The following GRTP1 variants were observed in gnomAD, a reference collection of about 807,000 sequenced individuals.
GRTP1 encodes the protein growth hormone-regulated TBC protein 1.
A neutral mutation model predicts 38.1 loss-of-function variants in GRTP1; 56 were observed. That is an observed-to-expected ratio of 1.47 (90% CI 1.19 to 1.84). The LOEUF (loss-of-function observed/expected upper bound fraction) is 1.84. Among genes scored for constraint, GRTP1 ranks in the 40% most tolerant of loss-of-function variants. The probability of loss-of-function intolerance (pLI) is 0.00; values close to 1 mark genes in which losing one functional copy is unlikely to be tolerated. For missense variants in GRTP1, 506 were observed against 453.9 expected (o/e 1.11, Z -1.04); for synonymous variants, 217 against 189.5 (o/e 1.14, Z -1.19).
intron 5 of GRTP1, among the ~76,000 whole-genome samples, chr13:113,332,892 CT>C (rs1238639449): frequency 6.6e-6 from 1 of 152,222 alleles, no homozygotes; most frequent in African/African-American, 2.4e-5. Flanking sequence ...CCAACCTGAG[CT>C]TCAAGAAGGA....
intron 2 of GRTP1, among the ~76,000 whole-genome samples, chr13:113,362,913 G>A (rs1438579667): frequency 6.6e-6 from 1 of 152,170 alleles, no homozygotes; most frequent in East Asian, 1.9e-4. Context: ...CCTCACCCCA[G>A]GCAGACACTT....
chr13:113,350,636 C>A (rs11618248), intron 4 of GRTP1, among the ~76,000 whole-genome samples: 46,891 of 151,942 alleles, frequency 0.31, 7,678 homozygotes, highest in East Asian at 0.6. Flanking sequence ...CGTGCTGATT[C>A]TCCTCCCGCC....
Position 113,357,520 on chromosome 13 carries a change from A to G in GRTP1, c.182-2039T>C, listed in dbSNP as rs370044239. 2.9e-3 allele frequency among the ~76,000 whole-genome samples: 432 copies of G among 151,534 alleles called. 3 individuals are homozygous for G. Among genetic ancestry groups the G allele is most frequent in the South Asian group, 0.015 (70 of 4,776 alleles). On this transcript the variant is annotated intron_variant, in intron 2 of 7. Coordinates refer to ENST00000375431, the MANE Select transcript of GRTP1 (RefSeq NM_024719.4). ...GAAACATATTTGAGGATCATGTCTCAGGTAAGAACATCTCAGCACACTTGG... is the reference window on the plus strand; with the variant it reads ...GAAACATATTTGAGGATCATGTCTCGGGTAAGAACATCTCAGCACACTTGG...
At chr13:113,354,820 C>T (rs547528951) in intron 3 of GRTP1, among the ~76,000 whole-genome samples, 3 of 152,348 alleles carry the variant, frequency 2.0e-5, no homozygotes, top group African/African-American at 7.2e-5. Flanking sequence ...AGCCACCGCG[C>T]CCGGCCTTAG....
At position 113,325,854 on chromosome 13, in the gene GRTP1, G is replaced by A. The variant is rs2042756478; in HGVS notation, c.736-8C>T. The A allele has an allele frequency of 1.9e-6, 3 of 1,613,816 alleles. No individual in the cohort carries two copies. Among genetic ancestry groups the A allele is most frequent in the Non-Finnish European group, 2.5e-6 (3 of 1,179,900 alleles). On this transcript the variant is annotated splice_polypyrimidine_tract_variant and splice_region_variant and intron_variant, in intron 6 of 7. Transcript: ENST00000375431. ...CCAGATCCGAAGCACTGTCTGCAGA[G>A]ACATGGGAACCCGGTGTCACTCCCT...
At chr13:113,324,656 A>G (rs995806006) in intron 7 of GRTP1, 79 bp from the exon 8 acceptor site, 3 of 1,519,362 alleles carry the variant, frequency 2.0e-6, no homozygotes, top group Non-Finnish European at 2.7e-6. Context: ...GCAGGCAGGC[A>G]GACAGGCCTC....
rs532932814 is a variant in GRTP1 at position 113,349,624 on chromosome 13, G to T, written c.465+1225C>A. ...GCCAGCCAGCTACAGAGCCACACAC[G>T]CACAGCACGTGGAACAGCTGGTGAG... On this transcript the variant is annotated intron_variant, in intron 4 of 7. Coordinates refer to ENST00000375431, the MANE Select transcript of GRTP1 (RefSeq NM_024719.4). The surrounding 1 kb of genome is among the most constrained non-coding windows in gnomAD (Gnocchi z 5.0). Among the ~76,000 whole-genome samples the T allele has an allele frequency of 2.3e-4, 35 of 152,320 alleles. No homozygotes were observed. The highest frequency in any genetic ancestry group is 7.9e-4 in the African/African-American group (33 of 41,568).
chr13:113,352,574 C>T (rs1184773614), intron 3 of GRTP1, among the ~76,000 whole-genome samples: 1 of 151,662 alleles, frequency 6.6e-6, no homozygotes, highest in East Asian at 1.9e-4. Context: ...CAGAGTTTTG[C>T]CATGGTGGCC....
At chr13:113,347,418 G>A (rs1284687720) in intron 4 of GRTP1, among the ~76,000 whole-genome samples, 12 of 48,074 alleles carry the variant, frequency 2.5e-4, no homozygotes, top group South Asian at 6.0e-4. Flanking sequence ...GGCTGACAGT[G>A]GACCCGGGAG....
At position 113,363,920 on chromosome 13, in the gene GRTP1, C is replaced by A; in HGVS notation, c.33-10G>T. 4 of 1,607,758 alleles carry A rather than the reference C, an allele frequency of 2.5e-6. No individual in the cohort carries two copies. The highest frequency in any genetic ancestry group is 3.4e-6 in the Non-Finnish European group (4 of 1,177,276). Reference sequence around the variant, plus strand: ...TCCGTACGGGTCGATCCTGCAAAACCGAGAGAAGGAGGCCGGCGTCCCCGA... The same window carrying A: ...TCCGTACGGGTCGATCCTGCAAAACAGAGAGAAGGAGGCCGGCGTCCCCGA... On this transcript the variant is annotated splice_polypyrimidine_tract_variant and intron_variant, in intron 1 of 7. Transcript: ENST00000375431.
At chr13:113,354,144 C>T (rs2043336899) in intron 3 of GRTP1, among the ~76,000 whole-genome samples, 1 of 152,332 alleles carries the variant, frequency 6.6e-6, no homozygotes, top group Admixed American at 6.5e-5. Flanking sequence ...GACAGCAGTG[C>T]TGTTTTAATA....
At chr13:113,325,451 A>G (rs1054090610) in intron 7 of GRTP1, 2 of 1,446,248 alleles carry the variant, frequency 1.4e-6, no homozygotes, top group Non-Finnish European at 1.8e-6. Context: ...CCGCAGTGCC[A>G]GGGCCAAGAA....
intron 5 of GRTP1, among the ~76,000 whole-genome samples, chr13:113,328,465 C>T (rs1278208801): frequency 6.6e-6 from 1 of 152,240 alleles, no homozygotes; most frequent in Non-Finnish European, 1.5e-5. Context: ...CATGCACTCA[C>T]AGGCCAGTTC....
chr13:113,324,901 A>G, intron 7 of GRTP1: 1 of 729,968 alleles, frequency 1.4e-6, no homozygotes, highest in Non-Finnish European at 1.7e-6. Flanking sequence ...ATCTCGGCTC[A>G]CTGCAACCTC....
chr13:113,336,348 A>AAAACAAACAAACAAAC lies in GRTP1; in HGVS notation c.562+8514_562+8515insGTTTGTTTGTTTGTTT, dbSNP rs61192086. Among the ~76,000 whole-genome samples the AAAACAAACAAACAAAC allele has an allele frequency of 6.3e-3, 945 of 149,604 alleles. 39 individuals are homozygous for AAAACAAACAAACAAAC. The highest frequency in any genetic ancestry group is 0.048 in the Admixed American group (726 of 15,022). ...AATAGGTACTGTAAAATTTAATTAA[A>AAAACAAACAAACAAAC]AAACAAACAAACATGCAAAGGGTTC... On this transcript the variant is annotated intron_variant, in intron 5 of 7. Transcript: ENST00000375431.
At chr13:113,352,300 ATTTTATATATATTTTATATATATT>A (rs2043289434) in intron 3 of GRTP1, among the ~76,000 whole-genome samples, 3 of 40,994 alleles carry the variant, frequency 7.3e-5, no homozygotes, top group East Asian at 9.9e-4. Flanking sequence ...ATTTATATAT[ATTTTATATATATTTTATATATATT>A]TTTATATATA....
intron 2 of GRTP1, chr13:113,359,831 T>C (rs2043463233): frequency 6.6e-6 from 1 of 152,212 alleles, no homozygotes; most frequent in Admixed American, 6.5e-5. Flanking sequence ...GTTTGTTATC[T>C]GGATTTACAC....
At chr13:113,333,838 AG>A (rs1433779030) in intron 5 of GRTP1, among the ~76,000 whole-genome samples, 394 of 23,470 alleles carry the variant, frequency 0.017, 3 homozygotes, top group African/African-American at 0.026. Flanking sequence ...TTATTTATTT[AG>A]TGTGTGTGTG....
At chr13:113,364,136 G>T, upstream of GRTP1, 3 of 1,037,224 alleles carry the variant, frequency 2.9e-6, no homozygotes, top group Non-Finnish European at 3.5e-6. Flanking sequence ...CTTCCGGCGG[G>T]ACCGCGGGCG....
Sources: allele counts gnomAD v4.1 joint callset (sites outside exome capture counted in the v4.1 genomes callset), GRCh38; gene constraint gnomAD v4.1.1; non-coding constraint Gnocchi (gnomAD v3.1); transcripts MANE v1.5; gene names NCBI Gene and HGNC (gene_info 2026-07-23, HGNC 2026-07-21).